The following KMT2C variants were observed in gnomAD, a reference collection of about 807,000 sequenced individuals.
KMT2C encodes histone-lysine N-methyltransferase 2C.
In KMT2C, 88 loss-of-function variants were observed where a neutral mutation model predicts 507.9. The observed-to-expected ratio is 0.17, with a 90% CI of 0.15 to 0.21. The LOEUF (loss-of-function observed/expected upper bound fraction) is 0.21, where lower values mean the gene tolerates loss of function less well. Ranked by LOEUF, KMT2C falls within the 10% of genes least tolerant of loss-of-function variation. The pLI is 1.00. For synonymous variants in KMT2C, 2,049 were observed against 2,080.8 expected (o/e 0.98, Z 0.42); for missense variants, 4,954 against 5,957.8 (o/e 0.83, Z 5.55).
rs114402761 is a variant in KMT2C, at chr7:152,419,382, A to G, written c.161+16244T>C. 7.6e-3 allele frequency among the ~76,000 whole-genome samples: 1,164 copies of G among 152,270 alleles called. 16 individuals carry two copies. Among genetic ancestry groups the G allele is most frequent in the African/African-American group, 0.027 (1,121 of 41,580 alleles). Reference sequence around the variant, plus strand: ...AAAAAGTGGGGGAAAGAAAACATTTACATTTATAACAACATCAAAAACAAT... The same window carrying G: ...AAAAAGTGGGGGAAAGAAAACATTTGCATTTATAACAACATCAAAAACAAT... On this transcript the variant is annotated intron_variant, in intron 1 of 58. Coordinates refer to ENST00000262189, the MANE Select transcript of KMT2C (RefSeq NM_170606.3).
chr7:152,202,891 T>G, intron 26 of KMT2C, 43 bp downstream of exon 26: 2 of 1,426,660 alleles, frequency 1.4e-6, no homozygotes, highest in Non-Finnish European at 1.9e-6. Flanking sequence ...TTTTATTTCC[T>G]CAATTAACAA....
chr7:152,203,389 C>T (rs1330353033), intron 25 of KMT2C, among the ~76,000 whole-genome samples: 2 of 151,676 alleles, frequency 1.3e-5, no homozygotes, highest in Non-Finnish European at 2.9e-5. Flanking sequence ...GACGAAATGG[C>T]AACTTATAAA....
chr7:152,223,996 T>C lies in KMT2C; in HGVS notation c.3323+19A>G. 2.0e-6 allele frequency: 3 copies of C among 1,531,812 alleles called. No homozygotes were observed. The highest frequency in any genetic ancestry group is 2.7e-6 in the Non-Finnish European group (3 of 1,125,648). 94.9% of individuals were successfully genotyped at this position (1,531,812 alleles called of 1,614,324 possible). ...TTCAAAGAGAAAAGCTTTAAAAAGA[T>C]GAAAAAATAGCACAATACCTATCAC... On this transcript the variant is annotated intron_variant, in intron 20 of 58. Transcript: ENST00000262189.
At chr7:152,205,031 A>T in intron 25 of KMT2C, 75 bp downstream of exon 25, 1 of 868,912 alleles carries the variant, frequency 1.2e-6, no homozygotes, top group Non-Finnish European at 1.8e-6. Flanking sequence ...TATTTAGGAT[A>T]GTTTTTTCCA....
rs2093275646 is a variant in KMT2C at position 152,177,965 on chromosome 7, C to T, written c.7488G>A (p.Glu2496=). 6.4e-7 allele frequency: 1 copy of T among 1,569,714 alleles called. No individual in the cohort carries two copies. Among genetic ancestry groups the T allele is most frequent in the Non-Finnish European group, 8.6e-7 (1 of 1,167,422 alleles). Residue 2496 remains glutamate (E), a synonymous_variant, in exon 38 of 59, where the codon GAG becomes GAA. Transcript: ENST00000262189. ...TTTGCTGAGGAGGCACAAGGAAGCG[C>T]TCTTGACTCGGCATGGTACCATGAC... The part of the protein sequence containing the change: ...GGSHGTMPSQ[E]RFLVPPQQIQ...
At position 152,252,660 on chromosome 7, in the gene KMT2C, T is replaced by C. The variant is rs201023756; in HGVS notation, c.1355A>G (p.Asn452Ser). ...GTRSSSQWHH[N>S]CLICDNCYQQ... ...GTAACAATTGTCACATATCAGGCAATTGTGGTGCCACTGAGAACTAGACCG... is the reference window on the plus strand; with the variant it reads ...GTAACAATTGTCACATATCAGGCAACTGTGGTGCCACTGAGAACTAGACCG... Residue 452 changes from asparagine (N) to serine (S), a missense_variant, in exon 10 of 59, where the codon AAT becomes AGT. Physicochemically the swap from Asn to Ser is conservative, Grantham distance 46. Around this residue, in one of 29 missense-constraint regions of KMT2C, gnomAD observed 376 missense variants for 352.4 expected, o/e 1.07. Transcript: ENST00000262189. The C allele has an allele frequency of 1.6e-5, 26 of 1,613,546 alleles. No homozygotes were observed. Among genetic ancestry groups the C allele is most frequent in the Middle Eastern group, 1.7e-4 (1 of 6,060 alleles).
At chr7:152,290,825 T>C (rs922387456) in intron 6 of KMT2C, among the ~76,000 whole-genome samples, 10 of 152,126 alleles carry the variant, frequency 6.6e-5, no homozygotes, top group Non-Finnish European at 1.2e-4. Flanking sequence ...TGCTCCAATA[T>C]TTTCCTTTAC....
intron 6 of KMT2C, among the ~76,000 whole-genome samples, chr7:152,289,527 G>A (rs1381731246): frequency 2.0e-5 from 3 of 151,950 alleles, no homozygotes; most frequent in Non-Finnish European, 4.4e-5. Context: ...ATGGAACACC[G>A]GTTTTACATG....
rs1195125465 is a variant in KMT2C, at chr7:152,391,142, C to CAAAAAAAAA, written c.162-32476_162-32468dup. 7.7e-3 allele frequency among the ~76,000 whole-genome samples: 269 copies of CAAAAAAAAA among 34,758 alleles called. 38 individuals are homozygous for CAAAAAAAAA. The highest frequency in any genetic ancestry group is 0.091 in the Middle Eastern group (2 of 22). The allele number at this position is 34,758 out of a possible 152,430, so 22.8% of individuals were successfully genotyped here. ...CTGGGCGACAGAGTGAGACTGTCTC[C>CAAAAAAAAA]AAAAAAAAAAAAAAAAAAAAAAAAA... On this transcript the variant is annotated intron_variant, in intron 1 of 58. Coordinates refer to ENST00000262189, the MANE Select transcript of KMT2C (RefSeq NM_170606.3).
intron 6 of KMT2C, among the ~76,000 whole-genome samples, chr7:152,284,364 C>G (rs1172843692): frequency 6.6e-6 from 1 of 152,034 alleles, no homozygotes; most frequent in Non-Finnish European, 1.5e-5. Context: ...AATAAATAGT[C>G]TTTTAGAATG....
chr7:152,148,807 G>A lies in KMT2C; in HGVS notation c.13120C>T (p.Pro4374Ser), dbSNP rs573014663. The change falls in exon 52 of 59, where the codon CCT (proline) becomes TCT (serine). Residue 4374 changes from proline (P) to serine (S), a missense_variant. Physicochemically the swap from Pro to Ser is moderately conservative, Grantham distance 74 (BLOSUM62 -1). Transcript: ENST00000262189. The surrounding 1 kb of genome is among the most constrained non-coding windows in gnomAD (Gnocchi z 7.1). Reference sequence around the variant, plus strand: ...AATTCATCTATTTCATCCTCACAAGGTGGTTTAAATGTCCCCTTAGGGATT... The same window carrying A: ...AATTCATCTATTTCATCCTCACAAGATGGTTTAAATGTCCCCTTAGGGATT... ...IVIPKGTFKP[P>S]CEDEIDEFLK... is the part of the protein sequence containing the mutation. The A allele has an allele frequency of 6.2e-7, 1 of 1,614,168 alleles. No homozygotes were observed. The highest frequency in any genetic ancestry group is 1.1e-5 in the South Asian group (1 of 91,084).
intron 37 of KMT2C, 71 bp from the exon 38 acceptor site, chr7:152,178,081 AAAAAG>A (rs1293284956): frequency 3.2e-5 from 43 of 1,333,924 alleles, no homozygotes; most frequent in Non-Finnish European, 3.9e-5. Flanking sequence ...TTAAGTTGAA[AAAAAG>A]AAAAGTCTTC....
Position 152,158,735 on chromosome 7 carries a change from A to T in KMT2C, c.11670+128T>A, listed in dbSNP as rs930873302. 8.1e-5 allele frequency: 65 copies of T among 805,738 alleles called. No homozygotes were observed. The African/African-American group carries it at 1.0e-3, about 13-fold the overall frequency. 49.9% of individuals were successfully genotyped at this position (805,738 alleles called of 1,614,324 possible). A position where few individuals can be genotyped will look rare whatever the true frequency, so the allele number is the denominator to read the frequency against. On this transcript the variant is annotated intron_variant, in intron 44 of 58. Transcript: ENST00000262189. ...TTTGCCATGTTGGCTAAGCTCATCT[A>T]GAACTCATGCCTCAAGTGATCCACC...
intron 2 of KMT2C, among the ~76,000 whole-genome samples, chr7:152,352,662 T>C (rs2097123152): frequency 1.3e-5 from 2 of 152,236 alleles, no homozygotes; most frequent in South Asian, 4.1e-4. Context: ...GGGTGAATTT[T>C]GCCCAATATC....
At chr7:152,154,577 T>C (rs1174243445) in intron 46 of KMT2C, 132 bp from the exon 47 acceptor site, 2 of 678,934 alleles carry the variant, frequency 2.9e-6, no homozygotes, top group Non-Finnish European at 5.0e-6. Flanking sequence ...GAGCAGCAAA[T>C]GAATCAGCTC....
At position 152,183,209 on chromosome 7, in the gene KMT2C, GAATAA is replaced by G. The variant is rs554370866; in HGVS notation, c.5083-58_5083-54del. ...CCCAGATTATGTTAAATGTTTTAAG[GAATAA>G]AATAAAACTATCATGAACTTTCTCA... On this transcript the variant is annotated intron_variant, in intron 34 of 58. Coordinates refer to ENST00000262189, the MANE Select transcript of KMT2C (RefSeq NM_170606.3). 1.1e-5 allele frequency: 15 copies of G among 1,336,736 alleles called. No individual in the cohort carries two copies. In the African/African-American group the frequency reaches 1.4e-4, roughly 12 times the overall value. The allele number at this position is 1,336,736 out of a possible 1,614,324, so 82.8% of individuals were successfully genotyped here.
At chr7:152,150,765 G>T in intron 51 of KMT2C, 135 bp downstream of exon 51, 2 of 639,794 alleles carry the variant, frequency 3.1e-6, no homozygotes, top group Non-Finnish European at 5.5e-6. Flanking sequence ...CTCCTCTGCC[G>T]GGTCAGCACC....
At chr7:152,409,240 C>T (rs913570394) in intron 1 of KMT2C, among the ~76,000 whole-genome samples, 20 of 151,818 alleles carry the variant, frequency 1.3e-4, no homozygotes, top group African/African-American at 3.4e-4. Flanking sequence ...CGCCTTACCT[C>T]GAGTGATCCA....
At chr7:152,321,427 T>C (rs981609161) in intron 3 of KMT2C, among the ~76,000 whole-genome samples, 10 of 151,796 alleles carry the variant, frequency 6.6e-5, no homozygotes, top group Admixed American at 6.6e-4. Flanking sequence ...GGCAGAGCAA[T>C]ATGGTCAAGA....
Sources: allele counts gnomAD v4.1 joint callset (sites outside exome capture counted in the v4.1 genomes callset), GRCh38; gene constraint gnomAD v4.1.1; regional missense constraint gnomAD v4.1.1; non-coding constraint Gnocchi (gnomAD v3.1); transcripts MANE v1.5; gene names NCBI Gene and HGNC (gene_info 2026-07-23, HGNC 2026-07-21).